DDHD1: variants seen among roughly 807,000 people sequenced by gnomAD.
The protein encoded by DDHD1 is DDHD domain containing 1.
Under a neutral mutation model 96.4 loss-of-function variants are expected in DDHD1, and 49 were observed. The observed-to-expected ratio is 0.51, with a 90% CI of 0.40 to 0.64. The LOEUF (loss-of-function observed/expected upper bound fraction) is 0.64. DDHD1 is among the 30% of genes least tolerant of loss of function. The pLI, the probability that DDHD1 is intolerant of heterozygous loss-of-function variation, is 0.00. For missense variants in DDHD1, 1,106 were observed against 1,161.2 expected (o/e 0.95, Z 0.69); for synonymous variants, 442 against 446.5 (o/e 0.99, Z 0.13).
intron 6 of DDHD1, among the ~76,000 whole-genome samples, chr14:53,065,684 A>C (rs1225035760): frequency 6.6e-6 from 1 of 152,188 alleles, no homozygotes; most frequent in African/African-American, 2.4e-5. Context: ...TGAGAGTTAA[A>C]AGGGACCTCA....
chr14:53,074,151 T>A (rs1884756975), intron 4 of DDHD1, among the ~76,000 whole-genome samples: 1 of 152,048 alleles, frequency 6.6e-6, no homozygotes, highest in Admixed American at 6.6e-5. Context: ...CTCTGTGCCA[T>A]CACCCAGCTC....
At chr14:53,118,809 G>T (rs1888749371) in intron 1 of DDHD1, among the ~76,000 whole-genome samples, 1 of 152,022 alleles carries the variant, frequency 6.6e-6, no homozygotes, top group Non-Finnish European at 1.5e-5. Context: ...GAAATACAGA[G>T]AACACCATAA....
chr14:53,118,200 T>C (rs1475989387), intron 1 of DDHD1, among the ~76,000 whole-genome samples: 2 of 152,032 alleles, frequency 1.3e-5, no homozygotes, highest in African/African-American at 2.4e-5. Flanking sequence ...ACCACAAAGA[T>C]GGGGAGAAAC....
At chr14:53,127,468 G>C (rs1422068333) in intron 1 of DDHD1, among the ~76,000 whole-genome samples, 3 of 152,284 alleles carry the variant, frequency 2.0e-5, no homozygotes, top group Admixed American at 2.0e-4. Flanking sequence ...AAAGTACTTT[G>C]TAAACTACAA....
Position 53,152,986 on chromosome 14 carries a change from A to G in DDHD1, c.113T>C (p.Val38Ala), listed in dbSNP as rs954661838. ...GCCGGGCAGGTGCTCGAAGCAGCAG[A>G]CGCCGCCGCCGAACGCTGGCCTCGC... The part of the protein sequence containing the change: ...SDARPAFGGG[V>A]CCFEHLPGGD... The change falls in exon 1 of 13, where the codon GTC becomes GCC. Residue 38 changes from valine to alanine, a missense_variant. Physicochemically the swap from Val to Ala is moderately conservative, Grantham distance 64 (BLOSUM62 0). Coordinates refer to ENST00000673822, the MANE Select transcript of DDHD1 (RefSeq NM_001160148.2). 6.4e-7 allele frequency: 1 copy of G among 1,555,000 alleles called. No individual in the cohort carries two copies.
rs1446429727 is a variant in DDHD1, at chr14:53,046,967, TAAAC to T, written c.2522-22_2522-19del. 3.8e-6 allele frequency: 6 copies of T among 1,585,224 alleles called. No homozygotes were observed. The highest frequency in any genetic ancestry group is 4.3e-6 in the Non-Finnish European group (5 of 1,166,080). On this transcript the variant is annotated intron_variant, in intron 12 of 12. Transcript: ENST00000673822. ...CAACTCCACTAAAAAGAAAAGAAGT[TAAAC>T]AAATGAATACAGATTATAATAAAAT... is the stretch of plus-strand genomic sequence containing the variant.
At chr14:53,094,179 A>G (rs953118429) in intron 2 of DDHD1, among the ~76,000 whole-genome samples, 2 of 152,138 alleles carry the variant, frequency 1.3e-5, no homozygotes, top group Non-Finnish European at 2.9e-5. Context: ...TCCGTCTAAA[A>G]AAAAAAAAGA....
At chr14:53,096,304 A>T (rs1886879277) in intron 2 of DDHD1, 1 of 405,558 alleles carries the variant, frequency 2.5e-6, no homozygotes. Context: ...TAACTTTAAA[A>T]AATGAGTTGT....
chr14:53,152,722 A>G lies in DDHD1; in HGVS notation c.377T>C (p.Val126Ala), dbSNP rs1242435341. 1 of 1,603,850 alleles carries G rather than the reference A, an allele frequency of 6.2e-7. No homozygotes were observed. The highest frequency in any genetic ancestry group is 8.5e-7 in the Non-Finnish European group (1 of 1,175,558). The change falls in exon 1 of 13, where the codon GTC becomes GCC. Residue 126 changes from valine to alanine, a missense_variant. Transcript: ENST00000673822. ...GCCGCCGCCCCCCGAGTTCGTCGGGACCAGCGGAGGCTGCTGCGGCGGGTG... is the reference window on the plus strand; with the variant it reads ...GCCGCCGCCCCCCGAGTTCGTCGGGGCCAGCGGAGGCTGCTGCGGCGGGTG... ...SLHPPQQPPL[V>A]PTNSGGGGAT...
At position 53,058,582 on chromosome 14, in the gene DDHD1, C is replaced by G; in HGVS notation, c.1887G>C (p.Leu629Phe). Residue 629 changes from leucine to phenylalanine, a missense_variant, in exon 9 of 13, where the codon TTG becomes TTC. This residue lies in a region of DDHD1 where 650 missense variants were observed against 758.8 expected (regional missense o/e 0.86). Coordinates refer to ENST00000673822, the MANE Select transcript of DDHD1 (RefSeq NM_001160148.2). ...TTCCTGGGCGGATGCCACGCAACGC[C>G]AAGAAAACTGCTAATGGGGATCCCA... ...FCMGSPLAVF[L>F]ALRGIRPGNT... 6.2e-7 allele frequency: 1 copy of G among 1,613,146 alleles called. No homozygotes were observed. Among genetic ancestry groups the G allele is most frequent in the Non-Finnish European group, 8.5e-7 (1 of 1,179,652 alleles).
rs2139777070 is a variant in DDHD1 at position 53,037,326 on chromosome 14, C to A, written c.*9442G>T. On this transcript the variant is annotated 3_prime_UTR_variant, in exon 13 of 13. Transcript: ENST00000673822. The stretch of plus-strand genomic sequence containing the variant: ...ATCTGTTTTAAGTTATTTGAGAAAT[C>A]TCCAAACTGCTTTCCACAGTGACTG... 6.6e-6 allele frequency: 1 copy of A among 152,246 alleles called. No homozygotes were observed. Among genetic ancestry groups the A allele is most frequent in the South Asian group, 2.1e-4 (1 of 4,818 alleles). The allele number at this position is 152,246 out of a possible 1,614,324, so 9.4% of individuals were successfully genotyped here. A position where few individuals can be genotyped will look rare whatever the true frequency, so the allele number is the denominator to read the frequency against.
At position 53,087,159 on chromosome 14, in the gene DDHD1, G is replaced by T. The variant is rs898814793; in HGVS notation, c.1289+4626C>A. On this transcript the variant is annotated intron_variant, in intron 4 of 12. Transcript: ENST00000673822. ...ATACAGGAGCACCCAGATTCATAAAGGAAGTCCTTAGAGACCCTACAAAGA... is the reference window on the plus strand; with the variant it reads ...ATACAGGAGCACCCAGATTCATAAATGAAGTCCTTAGAGACCCTACAAAGA... Among the ~76,000 whole-genome samples the T allele has an allele frequency of 2.0e-5, 3 of 151,934 alleles. No homozygotes were observed. In the East Asian group the frequency reaches 5.8e-4, roughly 29 times the overall value.
intron 1 of DDHD1, among the ~76,000 whole-genome samples, chr14:53,148,711 A>C (rs1217549434): frequency 1.3e-5 from 2 of 152,212 alleles, no homozygotes; most frequent in Non-Finnish European, 2.9e-5. Context: ...CTTTCTTGCC[A>C]ATGTTCCTTA....
chr14:53,137,528 G>A lies in DDHD1; in HGVS notation c.838+14733C>T, dbSNP rs1030804796. On this transcript the variant is annotated intron_variant, in intron 1 of 12. Coordinates refer to ENST00000673822, the MANE Select transcript of DDHD1 (RefSeq NM_001160148.2). ...AATCACTTGAACTTGGGAGGCAGAG[G>A]TTGCAGTGAGCTGAGATTGCACCAC... Among the ~76,000 whole-genome samples the A allele has an allele frequency of 2.6e-5, 4 of 152,138 alleles. No individual in the cohort carries two copies. In the East Asian group the frequency reaches 7.7e-4, roughly 29 times the overall value.
intron 9 of DDHD1, 49 bp from the exon 10 acceptor site, chr14:53,055,961 G>C: frequency 1.3e-6 from 2 of 1,518,970 alleles, no homozygotes; most frequent in South Asian, 2.5e-5. Context: ...AAATCACAAT[G>C]CTTGGATTTT....
intron 12 of DDHD1, chr14:53,048,746 A>G (rs1882269657): frequency 6.6e-6 from 1 of 152,234 alleles, no homozygotes; most frequent in South Asian, 2.1e-4. Flanking sequence ...AATCTTTTGT[A>G]TTCCATGGGA....
At chr14:53,115,415 C>T (rs1888465067) in intron 1 of DDHD1, among the ~76,000 whole-genome samples, 1 of 152,228 alleles carries the variant, frequency 6.6e-6, no homozygotes, top group Middle Eastern at 3.4e-3. Flanking sequence ...AACCCCAAGA[C>T]ACATAATGAT....
intron 1 of DDHD1, among the ~76,000 whole-genome samples, chr14:53,120,520 A>C (rs1888904803): frequency 6.6e-6 from 1 of 152,212 alleles, no homozygotes; most frequent in Admixed American, 6.5e-5. Context: ...ACAAATCTGG[A>C]GACACCACAC....
chr14:53,067,459 CT>C lies in DDHD1; in HGVS notation c.1504-4255del, dbSNP rs774228803. On this transcript the variant is annotated intron_variant, in intron 6 of 12. Transcript: ENST00000673822. ...CAGCATGAGCCACCATGTCTAGCCTCTTTTTTTTTTTTTTTAGAGATGGAAT... is the reference window on the plus strand; with the variant it reads ...CAGCATGAGCCACCATGTCTAGCCTCTTTTTTTTTTTTTTAGAGATGGAAT... 9.8e-3 allele frequency among the ~76,000 whole-genome samples: 1,315 copies of C among 134,522 alleles called. 39 individuals are homozygous for C. Among genetic ancestry groups the C allele is most frequent in the Admixed American group, 0.063 (846 of 13,428 alleles). 88.3% of individuals were successfully genotyped at this position (134,522 alleles called of 152,430 possible). A position where few individuals can be genotyped will look rare whatever the true frequency, so the allele number is the denominator to read the frequency against.
Sources: allele counts gnomAD v4.1 joint callset (sites outside exome capture counted in the v4.1 genomes callset), GRCh38; gene constraint gnomAD v4.1.1; regional missense constraint gnomAD v4.1.1; transcripts MANE v1.5; gene names NCBI Gene and HGNC (gene_info 2026-07-23, HGNC 2026-07-21).